The following SCP2 variants were observed in gnomAD, a reference collection of about 807,000 sequenced individuals.
SCP2 encodes the protein sterol carrier protein 2.
A neutral mutation model predicts 71.4 loss-of-function variants in SCP2; 48 were observed. That is an observed-to-expected ratio of 0.67 (90% CI 0.53 to 0.86). The LOEUF (loss-of-function observed/expected upper bound fraction) is 0.86. Ranked by LOEUF, SCP2 falls within the 40% of genes least tolerant of loss-of-function variation. SCP2 has a pLI of 0.00. For synonymous variants in SCP2, 220 were observed against 218.1 expected (o/e 1.01, Z -0.08); for missense variants, 560 against 655.6 (o/e 0.85, Z 1.59).
At chr1:52,989,049 A>G (rs983286538) in intron 11 of SCP2, among the ~76,000 whole-genome samples, 1 of 151,928 alleles carries the variant, frequency 6.6e-6, no homozygotes, top group Admixed American at 6.5e-5. Context: ...CATTTTGTAT[A>G]TAACGTAAGA....
chr1:52,994,957 T>C (rs551905792), intron 11 of SCP2: 9 of 518,034 alleles, frequency 1.7e-5, no homozygotes, highest in South Asian at 1.4e-4. Flanking sequence ...CTCTGCTAGC[T>C]CAGGCCCTTT....
At chr1:52,957,351 A>G (rs1175563120) in intron 5 of SCP2, among the ~76,000 whole-genome samples, 1 of 152,210 alleles carries the variant, frequency 6.6e-6, no homozygotes, top group Non-Finnish European at 1.5e-5. Flanking sequence ...ATGCATATAC[A>G]CACACACATG....
intron 11 of SCP2, chr1:52,994,251 G>A (rs1226307041): frequency 8.0e-6 from 8 of 1,005,028 alleles, no homozygotes; most frequent in Non-Finnish European, 9.5e-6. Flanking sequence ...GAGTTATGCT[G>A]TAGTTTGTGT....
chr1:52,982,691 C>T lies in SCP2; in HGVS notation c.973+2148C>T, dbSNP rs144405046. On this transcript the variant is annotated intron_variant, in intron 10 of 15. Transcript: ENST00000371514. ...ACCACTTCACATAAAATGTAGAAGC[C>T]TTGCAACCATATAGGTCCATTCACT... 7.5e-3 allele frequency among the ~76,000 whole-genome samples: 1,141 copies of T among 152,290 alleles called. 4 individuals are homozygous for T. The highest frequency in any genetic ancestry group is 0.011 in the African/African-American group (448 of 41,558).
chr1:53,021,067 G>A (rs1414598270), intron 12 of SCP2, among the ~76,000 whole-genome samples: 1 of 151,774 alleles, frequency 6.6e-6, no homozygotes, highest in Non-Finnish European at 1.5e-5. Context: ...TTGCAGTGGT[G>A]TTATCTTGGG....
In SCP2 at chr1:53,045,502, T is replaced by G. The variant is rs550265086; in HGVS notation, c.1469-2356T>G. On this transcript the variant is annotated intron_variant, in intron 14 of 15. Coordinates refer to ENST00000371514, the MANE Select transcript of SCP2 (RefSeq NM_002979.5). Reference sequence around the variant, plus strand: ...CTGATGAATAAAGTTGTTATGAATATTCTTATAGATGTCTTTTAGTGGACA... The same window carrying G: ...CTGATGAATAAAGTTGTTATGAATAGTCTTATAGATGTCTTTTAGTGGACA... 8.5e-5 allele frequency among the ~76,000 whole-genome samples: 13 copies of G among 152,330 alleles called. 1 individual carries two copies. In the South Asian group the frequency reaches 2.7e-3, roughly 32 times the overall value.
At chr1:52,992,276 G>A (rs1466658846) in intron 11 of SCP2, among the ~76,000 whole-genome samples, 6 of 151,914 alleles carry the variant, frequency 3.9e-5, no homozygotes, top group Admixed American at 2.0e-4. Context: ...AAGCGTATCT[G>A]CTTACAAACA....
At chr1:52,995,449 C>T in intron 11 of SCP2, 2 of 439,962 alleles carry the variant, frequency 4.5e-6, no homozygotes, top group Non-Finnish European at 9.2e-6. Flanking sequence ...CCCTGGCCAG[C>T]TCAATGCTGA....
At chr1:52,995,796 G>A in intron 11 of SCP2, 2 of 850,426 alleles carry the variant, frequency 2.4e-6, no homozygotes, top group East Asian at 4.8e-5. Flanking sequence ...ACCTTAATCG[G>A]CAGCAGCACG....
intron 1 of SCP2, among the ~76,000 whole-genome samples, chr1:52,933,410 T>C (rs1653349534): frequency 6.6e-6 from 1 of 151,926 alleles, no homozygotes; most frequent in Non-Finnish European, 1.5e-5. Context: ...CAAAACCTCA[T>C]CTCTACTAAA....
intron 1 of SCP2, among the ~76,000 whole-genome samples, chr1:52,932,166 A>C (rs999392411): frequency 6.6e-6 from 1 of 152,158 alleles, no homozygotes; most frequent in African/African-American, 2.4e-5. Context: ...GGAAATTATC[A>C]GAGAAATAAT....
rs760012864 is a variant in SCP2 at position 52,961,574 on chromosome 1, C to A, written c.468C>A (p.His156Gln). Residue 156 changes from histidine to glutamine, a missense_variant, in exon 6 of 16, where the codon CAC becomes CAA. Transcript: ENST00000371514. Reference sequence around the variant, plus strand: ...TCAATAAGTATGGATTGTCTGCTCACCCAGTTGCTCCTCAGATGTTTGGGT... The same window carrying A: ...TCAATAAGTATGGATTGTCTGCTCAACCAGTTGCTCCTCAGATGTTTGGGT... ...LLINKYGLSA[H>Q]PVAPQMFGYA... 3 of 1,613,636 alleles carry A rather than the reference C, an allele frequency of 1.9e-6. No individual in the cohort carries two copies. The highest frequency in any genetic ancestry group is 1.3e-5 in the African/African-American group (1 of 75,004).
intron 3 of SCP2, among the ~76,000 whole-genome samples, chr1:52,950,513 A>G (rs1019815667): frequency 6.6e-6 from 1 of 152,340 alleles, no homozygotes. Flanking sequence ...TTTTCTATTA[A>G]CTGATCATTT....
At chr1:52,933,135 T>C (rs1337276028) in intron 1 of SCP2, among the ~76,000 whole-genome samples, 1 of 152,228 alleles carries the variant, frequency 6.6e-6, no homozygotes, top group Non-Finnish European at 1.5e-5. Context: ...GCAGGAAGTG[T>C]ACAATGTGAG....
chr1:52,956,281 C>T (rs945559286), intron 5 of SCP2, among the ~76,000 whole-genome samples: 7 of 152,028 alleles, frequency 4.6e-5, no homozygotes, highest in East Asian at 1.9e-4. Context: ...CCAGCCTGGG[C>T]GACAGAGTGA....
intron 10 of SCP2, among the ~76,000 whole-genome samples, chr1:52,982,792 A>G (rs976438597): frequency 2.0e-5 from 3 of 152,178 alleles, no homozygotes; most frequent in African/African-American, 7.2e-5. Context: ...TGAAAACCCC[A>G]ATATATAATA....
chr1:52,976,747 T>A lies in SCP2; in HGVS notation c.652T>A (p.Phe218Ile), dbSNP rs1451665231. The change falls in exon 8 of 16, where the codon TTT becomes ATT. Residue 218 changes from phenylalanine to isoleucine, a missense_variant. Transcript: ENST00000371514. ...EVMASKEVFDFLTILQCCPTS... is the reference protein window; with the variant it reads ...EVMASKEVFDILTILQCCPTS... ...GATGGCATCTAAAGAAGTTTTTGAT[T>A]TTTTGACTATCTTACAATGTTGGTA... is the stretch of plus-strand genomic sequence containing the variant. The A allele has an allele frequency of 1.3e-6, 2 of 1,531,108 alleles. No individual in the cohort carries two copies. The highest frequency in any genetic ancestry group is 4.5e-5 in the East Asian group (2 of 44,354). The allele number at this position is 1,531,108 out of a possible 1,614,324, so 94.8% of individuals were successfully genotyped here.
At chr1:53,037,875 T>TAC (rs1298266602) in intron 13 of SCP2, among the ~76,000 whole-genome samples, 23 of 96,508 alleles carry the variant, frequency 2.4e-4, no homozygotes, top group Non-Finnish European at 4.0e-4. Flanking sequence ...ATCCTGTCTC[T>TAC]ACATACACAC....
chr1:52,998,569 A>G (rs1660093283), intron 11 of SCP2, among the ~76,000 whole-genome samples: 1 of 152,020 alleles, frequency 6.6e-6, no homozygotes, highest in Admixed American at 6.6e-5. Context: ...CATCTCTACA[A>G]AAAATACAAA....
Sources: allele counts gnomAD v4.1 joint callset (sites outside exome capture counted in the v4.1 genomes callset), GRCh38; gene constraint gnomAD v4.1.1; transcripts MANE v1.5; gene names NCBI Gene and HGNC (gene_info 2026-07-23, HGNC 2026-07-21).